ELP4: variants seen among roughly 807,000 people sequenced by gnomAD.
ELP4 encodes the protein elongator acetyltransferase complex subunit 4.
A neutral mutation model predicts 48.9 loss-of-function variants in ELP4; 51 were observed. That is an observed-to-expected ratio of 1.04 (90% CI 0.83 to 1.32). The LOEUF is 1.32. ELP4 is among the 40% of genes most tolerant of loss of function. ELP4 has a pLI of 0.00. For synonymous variants in ELP4, 210 were observed against 189.2 expected, an observed-to-expected ratio of 1.11 and a Z score of -0.90; for missense variants, 519 against 514.6, an observed-to-expected ratio of 1.01 and a Z score of -0.08.
rs540208281 is a variant in ELP4, at chr11:31,605,410, A to G, written c.653+1503A>G. On this transcript the variant is annotated intron_variant, in intron 5 of 9. Coordinates refer to ENST00000640961, the MANE Select transcript of ELP4 (RefSeq NM_019040.5). ...GATAGAGTCAAACATGCATTTACATAGAAGCTTGCGAAATAGGTCAGGGTA... is the reference window on the plus strand; with the variant it reads ...GATAGAGTCAAACATGCATTTACATGGAAGCTTGCGAAATAGGTCAGGGTA... Among the ~76,000 whole-genome samples, 5 of 152,194 alleles carry G rather than the reference A, an allele frequency of 3.3e-5. No individual in the cohort carries two copies. In the East Asian group the frequency reaches 9.7e-4, roughly 29 times the overall value.
intron 9 of ELP4, among the ~76,000 whole-genome samples, chr11:31,696,677 G>A (rs905709306): frequency 1.3e-5 from 2 of 152,046 alleles, no homozygotes; most frequent in African/African-American, 4.8e-5. Context: ...AACATGAAAG[G>A]AACAACCGGT....
At position 31,627,175 on chromosome 11, in the gene ELP4, T is replaced by C. The variant is rs1258357393; in HGVS notation, c.719T>C (p.Phe240Ser). ...CAGAACATCATTTATGAGGAAGGAT[T>C]TGATGGATCCAATCCTCAGGTATTA... is the stretch of plus-strand genomic sequence containing the variant. ...FIQNIIYEEG[F>S]DGSNPQKKQR... The change falls in exon 6 of 10, where the codon TTT becomes TCT. Residue 240 changes from phenylalanine (F) to serine (S), a missense_variant. Physicochemically the swap from Phe to Ser is radical, Grantham distance 155 (BLOSUM62 -2). Coordinates refer to ENST00000640961, the MANE Select transcript of ELP4 (RefSeq NM_019040.5). 1 of 1,600,328 alleles carries C rather than the reference T, an allele frequency of 6.2e-7. No individual in the cohort carries two copies. The highest frequency in any genetic ancestry group is 8.5e-7 in the Non-Finnish European group (1 of 1,171,298).
chr11:31,753,749 AT>A (rs1461061958), intron 9 of ELP4, among the ~76,000 whole-genome samples: 1 of 152,236 alleles, frequency 6.6e-6, no homozygotes, highest in African/African-American at 2.4e-5. Context: ...TGATACATGC[AT>A]TATGATTGCA....
intron 9 of ELP4, among the ~76,000 whole-genome samples, chr11:31,756,456 C>T (rs1947833825): frequency 6.6e-6 from 1 of 152,198 alleles, no homozygotes; most frequent in Non-Finnish European, 1.5e-5. Context: ...TGTTTTTCTT[C>T]TTCTCCTAGG....
chr11:31,516,268 C>T (rs1224262032), intron 1 of ELP4, among the ~76,000 whole-genome samples: 1 of 152,154 alleles, frequency 6.6e-6, no homozygotes, highest in Non-Finnish European at 1.5e-5. Flanking sequence ...TTTAATAGTG[C>T]CTGCTCTAGC....
chr11:31,701,107 G>C (rs1946513486), intron 9 of ELP4, among the ~76,000 whole-genome samples: 1 of 152,088 alleles, frequency 6.6e-6, no homozygotes, highest in African/African-American at 2.4e-5. Flanking sequence ...AATAGCCAAT[G>C]ACTTGAACCT....
chr11:31,554,780 T>C (rs1956903454), intron 3 of ELP4, among the ~76,000 whole-genome samples: 1 of 152,188 alleles, frequency 6.6e-6, no homozygotes, highest in African/African-American at 2.4e-5. Flanking sequence ...GTCTCTAGTT[T>C]TGAACTAAGG....
intron 9 of ELP4, among the ~76,000 whole-genome samples, chr11:31,726,371 G>A (rs1428315460): frequency 2.0e-5 from 3 of 152,150 alleles, no homozygotes; most frequent in Admixed American, 1.3e-4. Flanking sequence ...TGGTATTATA[G>A]CAATTTAAAA....
chr11:31,534,413 G>A (rs545203144), intron 2 of ELP4, among the ~76,000 whole-genome samples: 33 of 152,074 alleles, frequency 2.2e-4, no homozygotes, highest in Admixed American at 1.4e-3. Context: ...TGGGCATGTT[G>A]GACCTGAAGC....
At chr11:31,660,889 T>C (rs1368653678) in intron 9 of ELP4, among the ~76,000 whole-genome samples, 3 of 152,018 alleles carry the variant, frequency 2.0e-5, no homozygotes, top group African/African-American at 7.2e-5. Context: ...GAAAAAATGG[T>C]GGTCCAGATA....
intron 2 of ELP4, among the ~76,000 whole-genome samples, chr11:31,524,283 C>G (rs1041601006): frequency 7.9e-5 from 12 of 152,156 alleles, no homozygotes; most frequent in African/African-American, 2.4e-4. Flanking sequence ...TCAGCCAGGG[C>G]TGAGTTCTCA....
chr11:31,510,102 C>T (rs1417792795), intron 1 of ELP4, 95 bp downstream of exon 1: 30 of 1,154,032 alleles, frequency 2.6e-5, no homozygotes, highest in Admixed American at 4.1e-5. Flanking sequence ...TCTTTCTGAC[C>T]CCTAAACCTT....
intron 7 of ELP4, chr11:31,634,249 T>C (rs1416374377): frequency 6.6e-6 from 1 of 152,020 alleles, no homozygotes; most frequent in Non-Finnish European, 1.5e-5. Flanking sequence ...ATTGTAATTA[T>C]TCCATATTTA....
intron 9 of ELP4, among the ~76,000 whole-genome samples, chr11:31,707,586 A>G (rs1195756571): frequency 1.4e-4 from 21 of 152,188 alleles, no homozygotes; most frequent in Admixed American, 1.3e-3. Context: ...TACAAGTGAT[A>G]TGTGACTAAT....
intron 3 of ELP4, among the ~76,000 whole-genome samples, chr11:31,550,184 G>T (rs2133926318): frequency 6.6e-6 from 1 of 151,648 alleles, no homozygotes; most frequent in African/African-American, 2.4e-5. Flanking sequence ...TCTAAACAAA[G>T]ATATCAGAAG....
intron 3 of ELP4, among the ~76,000 whole-genome samples, chr11:31,546,195 G>A (rs1382382060): frequency 6.6e-6 from 1 of 151,980 alleles, no homozygotes; most frequent in Non-Finnish European, 1.5e-5. Context: ...CTGGCAAATT[G>A]GATAAAGAGT....
chr11:31,614,862 G>A (rs1009902458), intron 5 of ELP4, among the ~76,000 whole-genome samples: 5 of 152,244 alleles, frequency 3.3e-5, no homozygotes, highest in South Asian at 2.1e-4. Context: ...TAAATCTAAC[G>A]AACTTCCATA....
At chr11:31,595,009 G>T in intron 4 of ELP4, 108 bp downstream of exon 4, 2 of 888,094 alleles carry the variant, frequency 2.3e-6, no homozygotes, top group Non-Finnish European at 3.2e-6. Flanking sequence ...TAAAGAATTA[G>T]CTGTTTCATT....
chr11:31,532,986 G>T (rs1345612237), intron 2 of ELP4, among the ~76,000 whole-genome samples: 1 of 151,942 alleles, frequency 6.6e-6, no homozygotes, highest in Non-Finnish European at 1.5e-5. Flanking sequence ...TTGGTGGTCA[G>T]GATGGTCTCA....
Sources: gnomAD v4.1 joint callset for allele counts (sites outside exome capture counted in the v4.1 genomes callset) on GRCh38, gnomAD v4.1.1 for gene constraint, MANE v1.5 for transcripts, NCBI Gene and HGNC (gene_info 2026-07-23, HGNC 2026-07-21) for gene names.